Variants in TIAM1 observed in about 807,000 individuals in gnomAD.
The protein encoded by TIAM1 is TIAM Rac1 associated GEF 1, also known as rho guanine nucleotide exchange factor TIAM1.
Under a neutral mutation model 163.5 loss-of-function variants are expected in TIAM1, and 65 were observed. The ratio of observed to expected loss-of-function variants is 0.40; its 90% CI spans 0.33 to 0.49. TIAM1 has a LOEUF of 0.49. Ranked by LOEUF, TIAM1 falls within the 20% of genes least tolerant of loss-of-function variation. The probability of loss-of-function intolerance (pLI) is 0.77; values close to 1 mark genes in which losing one functional copy is unlikely to be tolerated. For missense variants in TIAM1, 1,789 were observed against 2,044.7 expected (o/e 0.87, Z 2.41); for synonymous variants, 833 against 810.1 (o/e 1.03, Z -0.48).
chr21:31,439,046 C>G (rs2044323053), intron 2 of TIAM1, among the ~76,000 whole-genome samples: 1 of 152,200 alleles, frequency 6.6e-6, no homozygotes, highest in Non-Finnish European at 1.5e-5. Context: ...ACTATAATCA[C>G]TAGGTAGCGA....
intron 2 of TIAM1, among the ~76,000 whole-genome samples, chr21:31,392,770 GT>G (rs760954790): frequency 4.0e-5 from 6 of 151,774 alleles, no homozygotes; most frequent in Non-Finnish European, 7.4e-5. Context: ...TTCTTGCTCT[GT>G]TAGTTCAAGT....
intron 1 of TIAM1, among the ~76,000 whole-genome samples, chr21:31,517,733 C>T (rs1205353733): frequency 6.6e-6 from 1 of 152,174 alleles, no homozygotes; most frequent in South Asian, 2.1e-4. Context: ...CTTTTTCTTC[C>T]TGCAAGCCAG....
At chr21:31,155,596 C>A (rs1268315023) in intron 16 of TIAM1, among the ~76,000 whole-genome samples, 1 of 152,134 alleles carries the variant, frequency 6.6e-6, no homozygotes, top group Non-Finnish European at 1.5e-5. Context: ...GCTCCACCTT[C>A]CGGGTTCACG....
At chr21:31,347,375 G>A (rs1196894651), upstream of TIAM1, among the ~76,000 whole-genome samples, 1 of 152,184 alleles carries the variant, frequency 6.6e-6, no homozygotes, top group Non-Finnish European at 1.5e-5. Context: ...TGCTATAGCA[G>A]AAGGGCTGTG....
At chr21:31,506,893 G>A (rs2047047247) in intron 1 of TIAM1, among the ~76,000 whole-genome samples, 1 of 152,126 alleles carries the variant, frequency 6.6e-6, no homozygotes, top group Admixed American at 6.6e-5. Context: ...CTCCAGCCTG[G>A]GCGACAGAGG....
chr21:31,176,083 T>C (rs1345274858), intron 15 of TIAM1, among the ~76,000 whole-genome samples: 1 of 152,146 alleles, frequency 6.6e-6, no homozygotes, highest in Non-Finnish European at 1.5e-5. Context: ...GAAGATATGT[T>C]TGATGGGCAC....
chr21:31,185,871 C>A (rs2085280149), intron 14 of TIAM1, among the ~76,000 whole-genome samples: 1 of 151,990 alleles, frequency 6.6e-6, no homozygotes, highest in African/African-American at 2.4e-5. Flanking sequence ...CCATAAGCCA[C>A]AGAATGCCAA....
At chr21:31,321,801 G>A (rs554175248) in intron 2 of TIAM1, among the ~76,000 whole-genome samples, 1 of 151,984 alleles carries the variant, frequency 6.6e-6, no homozygotes, top group East Asian at 2.0e-4. Context: ...GCTCACACCT[G>A]TAATCCCAGC....
chr21:31,507,179 ATTTTTTTTTTTTTTTTTTTTTTT>A (rs572356384), intron 1 of TIAM1, among the ~76,000 whole-genome samples: 17 of 44,582 alleles, frequency 3.8e-4, no homozygotes, highest in African/African-American at 1.1e-3. Flanking sequence ...CACCTTTTTA[ATTTTTTTTTTTTTTTTTTTTTTT>A]TTTTTTTTTT....
At chr21:31,254,367 G>A (rs1186024276) in intron 4 of TIAM1, among the ~76,000 whole-genome samples, 1 of 152,190 alleles carries the variant, frequency 6.6e-6, no homozygotes, top group Non-Finnish European at 1.5e-5. Context: ...TCATGACTCA[G>A]CTGCAGGTAG....
intron 2 of TIAM1, among the ~76,000 whole-genome samples, chr21:31,451,870 A>G (rs2044872541): frequency 6.6e-6 from 1 of 152,088 alleles, no homozygotes; most frequent in Non-Finnish European, 1.5e-5. Flanking sequence ...GTTTGAGAGT[A>G]CTTCGTAAGT....
Position 31,395,144 on chromosome 21 carries a change from A to G in TIAM1, c.-368-55722T>C, listed in dbSNP as rs575161949. Among the ~76,000 whole-genome samples the G allele has an allele frequency of 2.8e-4, 42 of 152,084 alleles. No individual in the cohort carries two copies. The highest frequency in any genetic ancestry group is 3.4e-3 in the Middle Eastern group (1 of 294). On this transcript the variant is annotated intron_variant, in intron 2 of 28. Coordinates refer to the TIAM1 transcript ENST00000286827. This position sits in a 1 kb window ranked among gnomAD's most constrained non-coding sequence, Gnocchi z 7.5. The stretch of plus-strand genomic sequence containing the variant: ...TCCCAGCTACTTGGGAGGCTGCGGC[A>G]CCAGAATTGCTTGAGCCTGGGAGGC...
chr21:31,276,005 G>T (rs953751006), intron 3 of TIAM1, among the ~76,000 whole-genome samples: 3 of 152,118 alleles, frequency 2.0e-5, no homozygotes, highest in African/African-American at 7.2e-5. Context: ...CAGGAGAAAG[G>T]ATGAAATGTA....
chr21:31,440,584 T>C (rs1352997053), intron 2 of TIAM1, among the ~76,000 whole-genome samples: 2 of 152,146 alleles, frequency 1.3e-5, no homozygotes, highest in South Asian at 2.1e-4. Context: ...AGATTTCCAA[T>C]GGATTGAAAG....
At chr21:31,160,836 A>C in intron 16 of TIAM1, 2 of 236,900 alleles carry the variant, frequency 8.4e-6, no homozygotes, top group East Asian at 8.2e-5. Context: ...TAAACAACAA[A>C]AGTTCCAGAA....
chr21:31,358,651 C>T (rs963003320), intron 2 of TIAM1, among the ~76,000 whole-genome samples: 3 of 152,108 alleles, frequency 2.0e-5, no homozygotes, highest in African/African-American at 7.2e-5. Context: ...TCTGTTGCAT[C>T]CACTCTCCAA....
At chr21:31,166,725 T>C (rs978200226) in intron 15 of TIAM1, among the ~76,000 whole-genome samples, 10 of 152,262 alleles carry the variant, frequency 6.6e-5, no homozygotes, top group Non-Finnish European at 1.0e-4. Context: ...ATATCATCTA[T>C]GGCAACTGCC....
At chr21:31,232,268 T>G (rs182253525) in intron 6 of TIAM1, among the ~76,000 whole-genome samples, 61 of 152,330 alleles carry the variant, frequency 4.0e-4, no homozygotes, top group African/African-American at 1.3e-3. Flanking sequence ...CTATTAAGTA[T>G]GCCTCAGCCC....
At chr21:31,156,259 C>G (rs1057031123) in intron 16 of TIAM1, among the ~76,000 whole-genome samples, 1 of 152,216 alleles carries the variant, frequency 6.6e-6, no homozygotes, top group Non-Finnish European at 1.5e-5. Context: ...AATTCTCTTA[C>G]AATTACCACA....
Sources: gnomAD v4.1 joint callset for allele counts (sites outside exome capture counted in the v4.1 genomes callset) on GRCh38, gnomAD v4.1.1 for gene constraint, Gnocchi (gnomAD v3.1) non-coding constraint, MANE v1.5 for transcripts, NCBI Gene and HGNC (gene_info 2026-07-23, HGNC 2026-07-21) for gene names.